The following LRGUK variants were observed in gnomAD, a reference collection of about 807,000 sequenced individuals.
LRGUK encodes leucine-rich repeat and guanylate kinase domain-containing protein.
LRGUK carries 65 observed loss-of-function variants against 76.0 expected under a neutral mutation model. The observed-to-expected ratio is 0.85, with a 90% CI of 0.70 to 1.05. LRGUK has a LOEUF of 1.05. Ranked by LOEUF, LRGUK falls within the 50% of genes least tolerant of loss-of-function variation. The pLI is 0.00. For missense variants in LRGUK, 758 were observed against 732.8 expected (o/e 1.03, Z -0.40); for synonymous variants, 268 against 265.6 (o/e 1.01, Z -0.09).
chr7:134,249,553 C>A (rs547611802), intron 18 of LRGUK, among the ~76,000 whole-genome samples: 1 of 152,178 alleles, frequency 6.6e-6, no homozygotes, highest in Non-Finnish European at 1.5e-5. Context: ...CACTAATTCC[C>A]TTTTTAATAT....
intron 16 of LRGUK, among the ~76,000 whole-genome samples, chr7:134,230,172 C>A (rs919764752): frequency 2.6e-5 from 4 of 152,008 alleles, no homozygotes; most frequent in Non-Finnish European, 5.9e-5. Flanking sequence ...AGAACTCCTA[C>A]AAATTATTAA....
chr7:134,174,525 C>T, intron 7 of LRGUK, 31 bp from the exon 8 acceptor site: 1 of 1,297,770 alleles, frequency 7.7e-7, no homozygotes, highest in South Asian at 1.2e-5. Flanking sequence ...TGCATTTAGT[C>T]TGTTGATAAT....
At chr7:134,147,054 G>C (rs1362155418) in intron 4 of LRGUK, among the ~76,000 whole-genome samples, 1 of 152,124 alleles carries the variant, frequency 6.6e-6, no homozygotes, top group African/African-American at 2.4e-5. Flanking sequence ...TGCTGAAAAA[G>C]CTTTCCTACA....
chr7:134,157,188 GATTTT>G (rs1798502866), intron 5 of LRGUK, among the ~76,000 whole-genome samples: 1 of 152,218 alleles, frequency 6.6e-6, no homozygotes, highest in African/African-American at 2.4e-5. Flanking sequence ...ATGATTGAAT[GATTTT>G]ATGACCTCAT....
intron 5 of LRGUK, among the ~76,000 whole-genome samples, chr7:134,150,699 A>T (rs1372597609): frequency 1.3e-5 from 2 of 152,188 alleles, no homozygotes; most frequent in African/African-American, 4.8e-5. Flanking sequence ...AGTATTTTGG[A>T]CTCAAAACAC....
At chr7:134,176,682 T>C (rs1166371099) in intron 8 of LRGUK, among the ~76,000 whole-genome samples, 1 of 152,078 alleles carries the variant, frequency 6.6e-6, no homozygotes, top group Non-Finnish European at 1.5e-5. Context: ...GCCCGGCCAA[T>C]TAAATTAAAT....
intron 14 of LRGUK, among the ~76,000 whole-genome samples, chr7:134,200,985 C>T (rs1800742623): frequency 6.6e-6 from 1 of 152,154 alleles, no homozygotes; most frequent in South Asian, 2.1e-4. Context: ...TGTGGGCTGT[C>T]TGCCAAGAAT....
At chr7:134,205,575 T>A (rs1010868913) in intron 15 of LRGUK, among the ~76,000 whole-genome samples, 4 of 152,184 alleles carry the variant, frequency 2.6e-5, no homozygotes, top group South Asian at 2.1e-4. Flanking sequence ...ATGAATTTTT[T>A]AAAAAATAAT....
At chr7:134,227,109 C>T (rs1319019594) in intron 16 of LRGUK, among the ~76,000 whole-genome samples, 3 of 149,218 alleles carry the variant, frequency 2.0e-5, no homozygotes, top group Admixed American at 1.3e-4. Context: ...TCTGGCCAGG[C>T]ATTAGGGGAG....
At chr7:134,256,223 C>A (rs556125929) in intron 18 of LRGUK, among the ~76,000 whole-genome samples, 231 of 152,090 alleles carry the variant, frequency 1.5e-3, no homozygotes, top group African/African-American at 5.4e-3. Flanking sequence ...TTTGGGAGGC[C>A]CAGGTGGGCG....
intron 5 of LRGUK, among the ~76,000 whole-genome samples, chr7:134,148,691 C>T (rs1284096467): frequency 6.6e-6 from 1 of 152,074 alleles, no homozygotes; most frequent in Non-Finnish European, 1.5e-5. Context: ...TTTGGGAGGC[C>T]AAGGCAGGTG....
At chr7:134,140,973 G>T (rs975742128) in intron 3 of LRGUK, among the ~76,000 whole-genome samples, 2 of 152,120 alleles carry the variant, frequency 1.3e-5, no homozygotes, top group Non-Finnish European at 2.9e-5. Context: ...CTTTTCTAGT[G>T]TCTCTGGCAG....
downstream of LRGUK, among the ~76,000 whole-genome samples, chr7:134,214,895 T>C (rs1801395554): frequency 6.6e-6 from 1 of 151,850 alleles, no homozygotes; most frequent in Non-Finnish European, 1.5e-5. Flanking sequence ...GAGTTAGAGG[T>C]GATTTGCAGA....
chr7:134,235,603 T>C (rs935859220), intron 16 of LRGUK, among the ~76,000 whole-genome samples: 1 of 152,218 alleles, frequency 6.6e-6, no homozygotes, highest in Admixed American at 6.5e-5. Context: ...TTATCTATTA[T>C]GCTTGTTGTT....
intron 7 of LRGUK, among the ~76,000 whole-genome samples, chr7:134,170,675 C>A (rs1452684476): frequency 6.6e-6 from 1 of 152,002 alleles, no homozygotes; most frequent in South Asian, 2.1e-4. Flanking sequence ...TCTTCTGTAT[C>A]CACAATAACT....
At chr7:134,238,757 C>T (rs1326808653) in intron 16 of LRGUK, among the ~76,000 whole-genome samples, 2 of 152,042 alleles carry the variant, frequency 1.3e-5, no homozygotes, top group African/African-American at 4.8e-5. Context: ...TTTTCTCTCA[C>T]AATAACTTTG....
chr7:134,243,507 C>A (rs1351775548), intron 16 of LRGUK, among the ~76,000 whole-genome samples: 1 of 152,050 alleles, frequency 6.6e-6, no homozygotes, highest in East Asian at 1.9e-4. Flanking sequence ...ATGTGAAGGA[C>A]CTCTTCAAGG....
chr7:134,178,933 A>AAAAAAAAAAAAAAAAAAAACC (rs1228638281), intron 10 of LRGUK, among the ~76,000 whole-genome samples: 2 of 13,646 alleles, frequency 1.5e-4, no homozygotes, highest in African/African-American at 5.9e-4. Context: ...TCTCAAAAAA[A>AAAAAAAAAAAAAAAAAAAACC]AAAAAAAAAA....
At chr7:134,209,379 G>A (rs1390734519) in exon 16 of LRGUK, 3 of 398,952 alleles carry the variant, frequency 7.5e-6, no homozygotes, top group Non-Finnish European at 1.3e-5. Context: ...AAACTTGCTG[G>A]CGATTCTCAG....
Sources: allele counts gnomAD v4.1 joint callset (sites outside exome capture counted in the v4.1 genomes callset), GRCh38; gene constraint gnomAD v4.1.1; transcripts MANE v1.5; gene names NCBI Gene and HGNC (gene_info 2026-07-23, HGNC 2026-07-21).